Variants in PALLD observed in about 807,000 individuals in gnomAD.
PALLD encodes the protein palladin, cytoskeletal associated protein.
A neutral mutation model predicts 123.5 loss-of-function variants in PALLD; 61 were observed. The observed-to-expected ratio is 0.49, with a 90% CI of 0.40 to 0.61. The LOEUF (loss-of-function observed/expected upper bound fraction) is 0.61, where lower values mean the gene tolerates loss of function less well. Ranked by LOEUF, PALLD falls within the 20% of genes least tolerant of loss-of-function variation. The pLI, the probability that PALLD is intolerant of heterozygous loss-of-function variation, is 0.00. For synonymous variants in PALLD, 465 were observed against 496.4 expected, an observed-to-expected ratio of 0.94 and a Z score of 0.84; for missense variants, 1,273 against 1,377.0, an observed-to-expected ratio of 0.92 and a Z score of 1.20.
chr4:168,551,708 G>A (rs1009315838), intron 2 of PALLD, among the ~76,000 whole-genome samples: 1 of 151,488 alleles, frequency 6.6e-6, no homozygotes, highest in African/African-American at 2.4e-5. Context: ...AACAAAACAG[G>A]CAATGTGAAT....
intron 10 of PALLD, among the ~76,000 whole-genome samples, chr4:168,785,691 T>TA (rs1253372016): frequency 6.6e-6 from 1 of 151,516 alleles, no homozygotes; most frequent in Non-Finnish European, 1.5e-5. Context: ...TTGGCGTACT[T>TA]ACCCCGTTAC....
Position 168,890,931 on chromosome 4 carries a change from A to G in PALLD, c.1974A>G (p.Pro658=). 1 of 1,614,058 alleles carries G rather than the reference A, an allele frequency of 6.2e-7. No individual in the cohort carries two copies. The highest frequency in any genetic ancestry group is 8.5e-7 in the Non-Finnish European group (1 of 1,179,942). The change falls in exon 11 of 22, where the codon CCA becomes CCG. Residue 658 remains proline, a synonymous_variant. Transcript: ENST00000505667. ...PLLAKPKLGF[P]KKASRTARIA... ...TGTTTTTATCCTGCAGAGGATTTCC[A>G]AAGAAGGCCAGTAGAACTGCTAGAA...
intron 10 of PALLD, among the ~76,000 whole-genome samples, chr4:168,856,933 G>A (rs1019120578): frequency 6.6e-6 from 1 of 152,148 alleles, no homozygotes; most frequent in Admixed American, 6.5e-5. Flanking sequence ...GCCCTTTATG[G>A]GAAACAGTGA....
intron 10 of PALLD, among the ~76,000 whole-genome samples, chr4:168,797,601 C>A (rs903046537): frequency 6.6e-6 from 1 of 152,064 alleles, no homozygotes; most frequent in East Asian, 1.9e-4. Flanking sequence ...AATTTATATT[C>A]TCAACTTTAC....
At chr4:168,631,631 G>C (rs903242796) in intron 2 of PALLD, 2 of 985,554 alleles carry the variant, frequency 2.0e-6, no homozygotes, top group African/African-American at 1.7e-5. Context: ...GCGCGCTGGA[G>C]ACCGGCGGCC....
At chr4:168,839,889 G>A (rs1745792369) in intron 10 of PALLD, among the ~76,000 whole-genome samples, 1 of 152,134 alleles carries the variant, frequency 6.6e-6, no homozygotes, top group African/African-American at 2.4e-5. Context: ...CGTGTTTCAA[G>A]GTTGACTAAA....
At chr4:168,792,226 TC>T (rs1300290960) in intron 10 of PALLD, among the ~76,000 whole-genome samples, 2 of 152,104 alleles carry the variant, frequency 1.3e-5, no homozygotes, top group East Asian at 3.9e-4. Flanking sequence ...GTCCCCAGCT[TC>T]CTTGTCACAC....
At position 168,511,890 on chromosome 4, in the gene PALLD, C is replaced by T. The variant is rs1458607387; in HGVS notation, c.386C>T (p.Thr129Ile). The part of the protein sequence containing the change: ...KRKPAMSPLL[T>I]RPSYIRSLRK... ...AAACCTGCCATGTCACCCCTGCTCA[C>T]CAGGCCCAGCTACATCCGGAGCCTC... Residue 129 changes from threonine to isoleucine, a missense_variant, in exon 2 of 22, where the codon ACC (threonine) becomes ATC (isoleucine). Thr to Ile is a moderately conservative substitution (Grantham distance 89, BLOSUM62 -1). Transcript: ENST00000505667. 1 of 1,614,194 alleles carries T rather than the reference C, an allele frequency of 6.2e-7. No homozygotes were observed. Among genetic ancestry groups the T allele is most frequent in the Non-Finnish European group, 8.5e-7 (1 of 1,180,028 alleles).
rs1778470983 is a variant in PALLD, at chr4:168,655,516, G to A, written c.909-12674G>A. On this transcript the variant is annotated intron_variant, in intron 2 of 21. Transcript: ENST00000505667. ...TCTGACAGAATCACCACCAAATCTG[G>A]CTGTCCTCCTTGCCCTGAGCAATTG... Among the ~76,000 whole-genome samples, 3 of 152,222 alleles carry A rather than the reference G, an allele frequency of 2.0e-5. 1 individual carries two copies. The highest frequency in any genetic ancestry group is 7.2e-5 in the African/African-American group (3 of 41,450).
intron 2 of PALLD, among the ~76,000 whole-genome samples, chr4:168,558,572 C>T (rs543468731): frequency 1.3e-5 from 2 of 152,270 alleles, no homozygotes; most frequent in Admixed American, 1.3e-4. Flanking sequence ...ACTCTGACCA[C>T]TTTTTATATC....
At chr4:168,658,577 A>G (rs1032370891) in intron 2 of PALLD, among the ~76,000 whole-genome samples, 2 of 151,936 alleles carry the variant, frequency 1.3e-5, no homozygotes, top group African/African-American at 2.4e-5. Context: ...GTGAGCCACC[A>G]TGCCCAGCCT....
intron 2 of PALLD, among the ~76,000 whole-genome samples, chr4:168,642,926 A>G (rs959148227): frequency 1.3e-5 from 2 of 152,206 alleles, no homozygotes; most frequent in Non-Finnish European, 1.5e-5. Flanking sequence ...ACCTTGCCTT[A>G]TTGTTAGCAG....
intron 6 of PALLD, among the ~76,000 whole-genome samples, chr4:168,688,121 T>A (rs1403627860): frequency 1.3e-5 from 2 of 152,198 alleles, no homozygotes; most frequent in Non-Finnish European, 2.9e-5. Flanking sequence ...TGGTCTCTGG[T>A]TTTGGAGGGG....
At chr4:168,729,532 CA>C (rs758626239) in intron 10 of PALLD, among the ~76,000 whole-genome samples, 4 of 152,132 alleles carry the variant, frequency 2.6e-5, no homozygotes, top group Non-Finnish European at 5.9e-5. Context: ...CTCTTAAAGG[CA>C]GGAAAACTCC....
intron 10 of PALLD, among the ~76,000 whole-genome samples, chr4:168,794,505 C>T (rs56057054): frequency 0.45 from 53,181 of 118,094 alleles, 9,864 homozygotes; most frequent in Middle Eastern, 0.51. Flanking sequence ...CACACACACA[C>T]GCACACACAC....
chr4:168,546,627 T>C (rs1444737705), intron 2 of PALLD, among the ~76,000 whole-genome samples: 1 of 152,150 alleles, frequency 6.6e-6, no homozygotes, highest in Non-Finnish European at 1.5e-5. Context: ...AAACTTTCCA[T>C]AGGTGCCGAA....
intron 10 of PALLD, among the ~76,000 whole-genome samples, chr4:168,762,435 T>A (rs914619976): frequency 3.0e-4 from 46 of 152,108 alleles, no homozygotes; most frequent in African/African-American, 1.1e-3. Context: ...ATTGTGCCTG[T>A]GCACTTCAGC....
At chr4:168,763,440 C>T (rs1200144816) in intron 10 of PALLD, among the ~76,000 whole-genome samples, 1 of 152,144 alleles carries the variant, frequency 6.6e-6, no homozygotes, top group Non-Finnish European at 1.5e-5. Context: ...ACAGCCGTTC[C>T]ACAGCCCCAA....
chr4:168,582,312 A>G (rs1160991973), intron 2 of PALLD, among the ~76,000 whole-genome samples: 5 of 152,094 alleles, frequency 3.3e-5, no homozygotes, highest in African/African-American at 1.2e-4. Context: ...TGACTTTTGT[A>G]TGTTGACTTT....
Sources: allele counts gnomAD v4.1 joint callset (sites outside exome capture counted in the v4.1 genomes callset), GRCh38; gene constraint gnomAD v4.1.1; transcripts MANE v1.5; gene names NCBI Gene and HGNC (gene_info 2026-07-23, HGNC 2026-07-21).